TRAF3IP2: variants seen among roughly 807,000 people sequenced by gnomAD.
The protein encoded by TRAF3IP2 is TRAF3 interacting protein 2.
In TRAF3IP2, 35 loss-of-function variants were observed where a neutral mutation model predicts 57.9. The observed-to-expected ratio is 0.60, with a 90% CI of 0.46 to 0.80. TRAF3IP2 has a LOEUF of 0.80. Among genes scored for constraint, TRAF3IP2 ranks in the 30% least tolerant of loss-of-function variants. The pLI, the probability that TRAF3IP2 is intolerant of heterozygous loss-of-function variation, is 0.00. For missense variants in TRAF3IP2, 556 were observed against 706.4 expected, an observed-to-expected ratio of 0.79 and a Z score of 2.41; for synonymous variants, 251 against 268.9, an observed-to-expected ratio of 0.93 and a Z score of 0.65.
intron 2 of TRAF3IP2, among the ~76,000 whole-genome samples, chr6:111,583,051 G>C (rs551750684): frequency 3.9e-5 from 6 of 152,046 alleles, no homozygotes; most frequent in Non-Finnish European, 8.8e-5. Context: ...TGCTTTCTTC[G>C]TAGTTCCTAT....
intron 2 of TRAF3IP2, among the ~76,000 whole-genome samples, chr6:111,585,816 A>G (rs1169008977): frequency 6.6e-6 from 1 of 152,200 alleles, no homozygotes; most frequent in African/African-American, 2.4e-5. Context: ...GCAAAAATGA[A>G]AATCTTGCAC....
chr6:111,592,170 G>A lies in TRAF3IP2; in HGVS notation c.-8-76C>T, dbSNP rs1796547118. ...GAGTCCTCACTTTATGACCTTAAGGGACCTCATTCAAGATGTGGTTTAAAT... is the reference window on the plus strand; with the variant it reads ...GAGTCCTCACTTTATGACCTTAAGGAACCTCATTCAAGATGTGGTTTAAAT... On this transcript the variant is annotated intron_variant, in intron 1 of 8. Transcript: ENST00000368761. The A allele has an allele frequency of 3.6e-5, 45 of 1,243,604 alleles. 1 individual carries two copies. The South Asian group carries it at 6.2e-4, about 17-fold the overall frequency. 77.0% of individuals were successfully genotyped at this position (1,243,604 alleles called of 1,614,324 possible). A position where few individuals can be genotyped will look rare whatever the true frequency, so the allele number is the denominator to read the frequency against.
chr6:111,574,959 C>T (rs979514440), intron 4 of TRAF3IP2, among the ~76,000 whole-genome samples: 5 of 152,344 alleles, frequency 3.3e-5, no homozygotes, highest in East Asian at 1.9e-4. Flanking sequence ...CAGTGGCTCA[C>T]GCCTGTAATC....
intron 3 of TRAF3IP2, among the ~76,000 whole-genome samples, chr6:111,579,296 G>A (rs967512083): frequency 5.2e-5 from 6 of 115,040 alleles, no homozygotes; most frequent in Admixed American, 3.9e-4. Flanking sequence ...CAGCCTGGAC[G>A]ACAGAGCAAG....
intron 1 of TRAF3IP2, chr6:111,598,068 C>T (rs3213575): frequency 0.42 from 150,957 of 363,656 alleles, 34,243 homozygotes; most frequent in East Asian, 0.5. Context: ...GGGGGGAGAG[C>T]GGGGCTGGAG....
intron 3 of TRAF3IP2, among the ~76,000 whole-genome samples, chr6:111,578,069 A>AT (rs1796043552): frequency 6.6e-6 from 1 of 152,188 alleles, no homozygotes; most frequent in Non-Finnish European, 1.5e-5. Context: ...ATAGATCAAG[A>AT]AGATCAGAAC....
At chr6:111,594,102 G>C in intron 1 of TRAF3IP2, among the ~76,000 whole-genome samples, 1 of 140,336 alleles carries the variant, frequency 7.1e-6, no homozygotes, top group Non-Finnish European at 1.5e-5. Context: ...CTGCATTCCA[G>C]CCTCAGCGAC....
At chr6:111,583,688 T>G (rs1259698396) in intron 2 of TRAF3IP2, among the ~76,000 whole-genome samples, 2 of 152,218 alleles carry the variant, frequency 1.3e-5, no homozygotes, top group Non-Finnish European at 2.9e-5. Flanking sequence ...CATTATATAT[T>G]ACAATGTAAC....
chr6:111,601,190 A>G (rs1367130507), intron 1 of TRAF3IP2: 2 of 779,158 alleles, frequency 2.6e-6, no homozygotes, highest in African/African-American at 1.7e-5. Flanking sequence ...CTTCAGAGCC[A>G]TTCACCTTGA....
In TRAF3IP2 at chr6:111,557,191, G is replaced by A. The variant is rs1446630738; in HGVS notation, c.*2214C>T. 1 of 152,050 alleles carries A rather than the reference G, an allele frequency of 6.6e-6. No homozygotes were observed. The highest frequency in any genetic ancestry group is 2.4e-5 in the African/African-American group (1 of 41,416). 9.4% of individuals were successfully genotyped at this position (152,050 alleles called of 1,614,324 possible). ...AGCACAAGTGAGCCTTGTTTAAGAG[G>A]CTAGTAGATAAAGAAGGGAAGCAGT... On this transcript the variant is annotated 3_prime_UTR_variant, in exon 9 of 9. Transcript: ENST00000368761.
chr6:111,605,465 T>C (rs1218112828), intron 1 of TRAF3IP2, among the ~76,000 whole-genome samples: 2 of 152,244 alleles, frequency 1.3e-5, no homozygotes, highest in Non-Finnish European at 2.9e-5. Flanking sequence ...GTGGGGACAC[T>C]AAGTACCCAA....
intron 2 of TRAF3IP2, among the ~76,000 whole-genome samples, chr6:111,584,767 A>G (rs1796278060): frequency 6.6e-6 from 1 of 152,216 alleles, no homozygotes; most frequent in Non-Finnish European, 1.5e-5. Flanking sequence ...AGGCTTGCCA[A>G]TTTACTTGGG....
chr6:111,588,803 T>C (rs1796416926), intron 2 of TRAF3IP2, among the ~76,000 whole-genome samples: 1 of 152,232 alleles, frequency 6.6e-6, no homozygotes, highest in African/African-American at 2.4e-5. Context: ...AATAGGTTCA[T>C]AACAATTTGG....
At chr6:111,601,072 C>T (rs1796845272) in intron 1 of TRAF3IP2, 5 of 594,456 alleles carry the variant, frequency 8.4e-6, no homozygotes, top group Non-Finnish European at 1.6e-5. Flanking sequence ...ATCCTGTGCA[C>T]TTAACCGCTT....
chr6:111,602,264 G>A (rs1796891580), intron 1 of TRAF3IP2: 1 of 151,678 alleles, frequency 6.6e-6, no homozygotes, highest in Non-Finnish European at 1.5e-5. Flanking sequence ...CACATTAGAA[G>A]TTATAATAAA....
chr6:111,603,133 A>G (rs1432429879), intron 1 of TRAF3IP2, among the ~76,000 whole-genome samples: 1 of 151,984 alleles, frequency 6.6e-6, no homozygotes, highest in African/African-American at 2.4e-5. Flanking sequence ...ACACAGCTAC[A>G]GAGTGAGCTG....
intron 2 of TRAF3IP2, among the ~76,000 whole-genome samples, chr6:111,581,973 G>A (rs934760283): frequency 6.6e-6 from 1 of 152,114 alleles, no homozygotes; most frequent in African/African-American, 2.4e-5. Flanking sequence ...GCAAGACTCC[G>A]TCTCAAAAAC....
chr6:111,581,023 G>A (rs1209530248), intron 2 of TRAF3IP2, among the ~76,000 whole-genome samples: 1 of 152,236 alleles, frequency 6.6e-6, no homozygotes, highest in African/African-American at 2.4e-5. Flanking sequence ...GCTTGAAGAG[G>A]GCTGGGCTCA....
intron 1 of TRAF3IP2, among the ~76,000 whole-genome samples, chr6:111,604,704 G>T (rs568299683): frequency 3.9e-5 from 6 of 152,188 alleles, no homozygotes; most frequent in Admixed American, 3.9e-4. Flanking sequence ...GACATGGAAG[G>T]GGGGTGAGCA....
Sources: gnomAD v4.1 joint callset for allele counts (sites outside exome capture counted in the v4.1 genomes callset) on GRCh38, gnomAD v4.1.1 for gene constraint, MANE v1.5 for transcripts, NCBI Gene and HGNC (gene_info 2026-07-23, HGNC 2026-07-21) for gene names.